Variants in LARP4B observed in about 807,000 individuals in gnomAD.
LARP4B encodes the protein La ribonucleoprotein 4B.
In LARP4B, 12 loss-of-function variants were observed where a neutral mutation model predicts 89.8. The observed-to-expected ratio is 0.13, with a 90% confidence interval of 0.09 to 0.22. The LOEUF (loss-of-function observed/expected upper bound fraction) is 0.22. Among genes scored for constraint, LARP4B ranks in the 10% least tolerant of loss-of-function variants. The pLI is 1.00. For synonymous variants in LARP4B, 367 were observed against 363.3 expected (o/e 1.01, Z -0.12); for missense variants, 757 against 947.7 (o/e 0.80, Z 2.64).
At chr10:964,838 G>C in the LARP4B span, among the ~76,000 whole-genome samples, 1 of 152,214 alleles carries the variant, frequency 6.6e-6, no homozygotes, top group Non-Finnish European at 1.5e-5. Flanking sequence ...CATGGGCGTA[G>C]ACAGCTCAGG....
chr10:918,353 C>CCACATA (rs1564445954), intron 1 of LARP4B, among the ~76,000 whole-genome samples: 1 of 152,170 alleles, frequency 6.6e-6, no homozygotes, highest in Non-Finnish European at 1.5e-5. Flanking sequence ...TTCAGACAGG[C>CCACATA]CGGGGATGAT....
intron 5 of LARP4B, among the ~76,000 whole-genome samples, chr10:850,030 C>T (rs1235651112): frequency 1.3e-5 from 2 of 152,116 alleles, no homozygotes; most frequent in African/African-American, 4.8e-5. Context: ...CGTTAGGTTA[C>T]GATGTATCAC....
chr10:853,376 C>A (rs1189921075), intron 5 of LARP4B, among the ~76,000 whole-genome samples: 1 of 152,128 alleles, frequency 6.6e-6, no homozygotes, highest in Non-Finnish European at 1.5e-5. Context: ...AACTACAATA[C>A]CTTCATTTAA....
intron 1 of LARP4B, among the ~76,000 whole-genome samples, chr10:913,230 A>T (rs1836722661): frequency 6.6e-6 from 1 of 152,214 alleles, no homozygotes; most frequent in South Asian, 2.1e-4. Flanking sequence ...GATAGTCTAA[A>T]GGAGGGGGGG....
chr10:835,447 A>C (rs1430004311), intron 8 of LARP4B, among the ~76,000 whole-genome samples: 5 of 152,160 alleles, frequency 3.3e-5, no homozygotes, highest in Non-Finnish European at 7.4e-5. Context: ...CAACAAACCC[A>C]GGCTTCCTGT....
chr10:908,590 C>T (rs1412650628), intron 1 of LARP4B, among the ~76,000 whole-genome samples: 1 of 152,138 alleles, frequency 6.6e-6, no homozygotes, highest in Non-Finnish European at 1.5e-5. Context: ...GGGGAGGGTG[C>T]CCCACTGGTG....
chr10:850,436 G>A (rs1833982978), intron 5 of LARP4B, among the ~76,000 whole-genome samples: 1 of 152,178 alleles, frequency 6.6e-6, no homozygotes, highest in Non-Finnish European at 1.5e-5. Flanking sequence ...GATAAAGAGA[G>A]GGGTCAATGA....
intron 1 of LARP4B, among the ~76,000 whole-genome samples, chr10:886,248 G>A (rs1335939720): frequency 6.6e-6 from 1 of 152,152 alleles, no homozygotes; most frequent in Non-Finnish European, 1.5e-5. Context: ...TTGGGGAAAT[G>A]CAGAACAAAA....
intron 7 of LARP4B, among the ~76,000 whole-genome samples, chr10:839,576 G>A (rs1833411120): frequency 6.6e-6 from 1 of 152,214 alleles, no homozygotes; most frequent in Non-Finnish European, 1.5e-5. Context: ...TAGAGAAACA[G>A]ATGTTAAAGC....
intron 3 of LARP4B, among the ~76,000 whole-genome samples, chr10:880,695 A>G (rs1481145483): frequency 6.6e-6 from 1 of 152,110 alleles, no homozygotes; most frequent in African/African-American, 2.4e-5. Context: ...CTCAAAAAAA[A>G]AAAAATCATT....
intron 1 of LARP4B, among the ~76,000 whole-genome samples, chr10:924,195 C>T (rs188964098): frequency 3.2e-4 from 48 of 152,254 alleles, no homozygotes; most frequent in Non-Finnish European, 5.6e-4. Context: ...GAGCTGTGAG[C>T]ATGCCACTGG....
At chr10:832,335 G>A (rs1245921685) in intron 8 of LARP4B, among the ~76,000 whole-genome samples, 4 of 152,138 alleles carry the variant, frequency 2.6e-5, no homozygotes, top group African/African-American at 7.2e-5. Context: ...GAGCCACTGC[G>A]CCCGGCCAGA....
intron 1 of LARP4B, among the ~76,000 whole-genome samples, chr10:899,882 C>T (rs1159316298): frequency 2.6e-5 from 4 of 151,972 alleles, no homozygotes; most frequent in Admixed American, 2.6e-4. Context: ...TAATTAAGTA[C>T]TATATAATCT....
intron 1 of LARP4B, among the ~76,000 whole-genome samples, chr10:908,307 G>A (rs1355580257): frequency 6.6e-6 from 1 of 152,082 alleles, no homozygotes; most frequent in Admixed American, 6.5e-5. Context: ...GGGCATGGGA[G>A]CCCCTTGCCC....
At position 811,801 on chromosome 10, in the gene LARP4B, CAA is replaced by C. The variant is rs1831750520; in HGVS notation, c.*1123_*1124del. ...AAGAAAAATTTGAGGCATTTTAAAA[CAA>C]AATAATTTATATTTAACTTTATTAT... On this transcript the variant is annotated 3_prime_UTR_variant, in exon 18 of 18. Coordinates refer to ENST00000316157, the MANE Select transcript of LARP4B (RefSeq NM_015155.3). 6.6e-6 allele frequency: 1 copy of C among 152,514 alleles called. No homozygotes were observed. The highest frequency in any genetic ancestry group is 2.1e-4 in the South Asian group (1 of 4,822). 9.4% of individuals were successfully genotyped at this position (152,514 alleles called of 1,614,324 possible).
At chr10:866,035 T>C (rs575553497) in intron 3 of LARP4B, among the ~76,000 whole-genome samples, 4 of 152,224 alleles carry the variant, frequency 2.6e-5, no homozygotes, top group Non-Finnish European at 4.4e-5. Flanking sequence ...AAATCCACAT[T>C]GGCTCAGGTG....
At chr10:972,943 C>A in the LARP4B span, 4 of 450,032 alleles carry the variant, frequency 8.9e-6, no homozygotes, top group Non-Finnish European at 1.8e-5. Context: ...AGCTAAGCTA[C>A]TGAAACCATG....
chr10:929,774 T>C (rs534477486), intron 1 of LARP4B, among the ~76,000 whole-genome samples: 18 of 152,086 alleles, frequency 1.2e-4, no homozygotes, highest in Non-Finnish European at 2.5e-4. Flanking sequence ...TTGTTTCATA[T>C]AAATAAGTCA....
chr10:970,844 C>A, the LARP4B span, among the ~76,000 whole-genome samples: 1 of 152,246 alleles, frequency 6.6e-6, no homozygotes, highest in Non-Finnish European at 1.5e-5. Context: ...AAGGCAGAGA[C>A]TGAGAAGAGA....
Sources: allele counts gnomAD v4.1 joint callset (sites outside exome capture counted in the v4.1 genomes callset), GRCh38; gene constraint gnomAD v4.1.1; transcripts MANE v1.5; gene names NCBI Gene and HGNC (gene_info 2026-07-23, HGNC 2026-07-21).